OPCML: variants seen among roughly 807,000 people sequenced by gnomAD.
OPCML encodes the protein opioid binding protein/cell adhesion molecule like.
In OPCML, 13 loss-of-function variants were observed where a neutral mutation model predicts 37.8. That is an observed-to-expected ratio of 0.34 (90% CI 0.22 to 0.55). The LOEUF (loss-of-function observed/expected upper bound fraction) is 0.55, where lower values mean the gene tolerates loss of function less well. OPCML is among the 20% of genes least tolerant of loss of function. OPCML has a pLI of 0.91. For missense variants in OPCML, 341 were observed against 435.6 expected (o/e 0.78, Z 1.93); for synonymous variants, 176 against 168.8 (o/e 1.04, Z -0.33).
At chr11:132,597,537 A>C (rs953907798) in intron 3 of OPCML, among the ~76,000 whole-genome samples, 1 of 152,212 alleles carries the variant, frequency 6.6e-6, no homozygotes, top group Non-Finnish European at 1.5e-5. Flanking sequence ...ATCACATTTC[A>C]GTCAGGACTT....
chr11:133,349,562 T>C (rs1366908568), intron 1 of OPCML, among the ~76,000 whole-genome samples: 1 of 152,134 alleles, frequency 6.6e-6, no homozygotes, highest in Non-Finnish European at 1.5e-5. Context: ...CGAGAAACAA[T>C]AGGAATCCCT....
chr11:133,037,502 T>C (rs917261575), intron 1 of OPCML, among the ~76,000 whole-genome samples: 2 of 152,220 alleles, frequency 1.3e-5, no homozygotes, highest in Non-Finnish European at 2.9e-5. Flanking sequence ...GTAACCTAGC[T>C]GCAGTATATT....
At chr11:132,638,188 CAG>C (rs1156982602) in intron 3 of OPCML, among the ~76,000 whole-genome samples, 13 of 75,386 alleles carry the variant, frequency 1.7e-4, no homozygotes, top group South Asian at 1.4e-3. Context: ...TATATATATA[CAG>C]AGAGAGAGAG....
intron 1 of OPCML, among the ~76,000 whole-genome samples, chr11:133,256,396 T>C (rs1424238118): frequency 2.0e-5 from 3 of 152,242 alleles, no homozygotes; most frequent in Non-Finnish European, 4.4e-5. Context: ...CTAATGCACT[T>C]ATATTAATGT....
chr11:133,455,738 A>G (rs548235920), intron 1 of OPCML, among the ~76,000 whole-genome samples: 1 of 152,314 alleles, frequency 6.6e-6, no homozygotes, highest in South Asian at 2.1e-4. Flanking sequence ...CCACTGAAAC[A>G]TTAAATAAAA....
chr11:133,502,413 A>G (rs906642836), intron 1 of OPCML, among the ~76,000 whole-genome samples: 1 of 152,086 alleles, frequency 6.6e-6, no homozygotes, highest in South Asian at 2.1e-4. Context: ...CCTCGTCCAA[A>G]CCGGCTGACA....
chr11:133,009,344 C>T (rs1947172360), intron 1 of OPCML: 2 of 463,766 alleles, frequency 4.3e-6, no homozygotes, highest in Non-Finnish European at 5.7e-6. Flanking sequence ...AAGATGTTCA[C>T]AGTCTGTTCA....
At chr11:133,503,447 T>A (rs1247485177) in intron 1 of OPCML, among the ~76,000 whole-genome samples, 1 of 152,224 alleles carries the variant, frequency 6.6e-6, no homozygotes, top group African/African-American at 2.4e-5. Flanking sequence ...ATCCTGCTAG[T>A]CTGTAAACAG....
Position 133,115,521 on chromosome 11 carries a change from C to T in OPCML, c.62-172511G>A, listed in dbSNP as rs79087975. Reference sequence around the variant, plus strand: ...AAAACAAACAAAACAACAACAACAACAAAAACACAGGCAGAGCTATATAAC... The same window carrying T: ...AAAACAAACAAAACAACAACAACAATAAAAACACAGGCAGAGCTATATAAC... On this transcript the variant is annotated intron_variant, in intron 1 of 7. Transcript: ENST00000524381. Among the ~76,000 whole-genome samples the T allele has an allele frequency of 6.5e-3, 995 of 152,104 alleles. 25 individuals are homozygous for T. In the East Asian group the frequency reaches 0.084, roughly 13 times the overall value.
In OPCML at chr11:132,683,636, A is replaced by G. The variant is rs1394994775; in HGVS notation, c.147-26317T>C. On this transcript the variant is annotated intron_variant, in intron 2 of 7. Coordinates refer to ENST00000524381, the MANE Select transcript of OPCML (RefSeq NM_001012393.5). ...AGAAGTTTGTAAAAGACATTTGCAA[A>G]CCATAACTCATGCATTCAATTTGCT... Among the ~76,000 whole-genome samples, 3 of 152,172 alleles carry G rather than the reference A, an allele frequency of 2.0e-5. No homozygotes were observed. In the East Asian group the frequency reaches 5.8e-4, roughly 29 times the overall value.
chr11:132,954,579 T>C (rs4572146), intron 1 of OPCML, among the ~76,000 whole-genome samples: 77,375 of 151,906 alleles, frequency 0.51, 19,924 homozygotes, highest in East Asian at 0.72. Context: ...GGGCAGGGCG[T>C]TAAACATTGA....
At chr11:133,112,311 G>GAAAAAAAAAAAAAAAA (rs1491223305) in intron 1 of OPCML, among the ~76,000 whole-genome samples, 5 of 79,038 alleles carry the variant, frequency 6.3e-5, no homozygotes, top group South Asian at 4.7e-4. Context: ...AAAAAAAAAA[G>GAAAAAAAAAAAAAAAA]GGGAAAGAAA....
intron 1 of OPCML, among the ~76,000 whole-genome samples, chr11:133,355,459 C>T (rs768314960): frequency 3.9e-5 from 6 of 152,100 alleles, no homozygotes. Context: ...AATCTGTGAC[C>T]ACAAATGAGA....
chr11:132,542,113 A>C (rs942990118), intron 3 of OPCML, among the ~76,000 whole-genome samples: 1 of 152,164 alleles, frequency 6.6e-6, no homozygotes, highest in Non-Finnish European at 1.5e-5. Flanking sequence ...TTCCTGGCCC[A>C]GATCAACCAG....
chr11:133,420,198 T>C, intron 1 of OPCML: 5 of 953,082 alleles, frequency 5.2e-6, no homozygotes, highest in Non-Finnish European at 5.0e-6. Flanking sequence ...CAAGTACTTT[T>C]TTTTTTTCCT....
intron 1 of OPCML, among the ~76,000 whole-genome samples, chr11:133,062,569 G>A (rs7935870): frequency 3.0e-4 from 46 of 152,052 alleles, no homozygotes; most frequent in Non-Finnish European, 5.1e-4. Flanking sequence ...GGTTCAGAAC[G>A]TTGCACCCTG....
At chr11:132,907,894 C>T (rs1301376582) in intron 2 of OPCML, among the ~76,000 whole-genome samples, 1 of 152,076 alleles carries the variant, frequency 6.6e-6, no homozygotes, top group Admixed American at 6.5e-5. Context: ...GTTTAATGTG[C>T]CTTAGTTATC....
rs552310453 is a variant in OPCML, at chr11:132,649,397, G to A, written c.379+7690C>T. Among the ~76,000 whole-genome samples, 75 of 152,280 alleles carry A rather than the reference G, an allele frequency of 4.9e-4. No individual in the cohort carries two copies. In the South Asian group the frequency reaches 0.016, roughly 32 times the overall value. On this transcript the variant is annotated intron_variant, in intron 3 of 7. Transcript: ENST00000524381. The stretch of plus-strand genomic sequence containing the variant: ...CAATTATACTCTGGCTACGCAAGGT[G>A]TCATATTCGTTAATATCTGAGAAAC...
intron 1 of OPCML, among the ~76,000 whole-genome samples, chr11:133,284,546 A>G (rs1941220): frequency 0.58 from 88,449 of 152,082 alleles, 26,356 homozygotes; most frequent in East Asian, 0.91. Context: ...GCGGCAACAA[A>G]TGGGAAGGGA....
Sources: gnomAD v4.1 joint callset for allele counts (sites outside exome capture counted in the v4.1 genomes callset) on GRCh38, gnomAD v4.1.1 for gene constraint, MANE v1.5 for transcripts, NCBI Gene and HGNC (gene_info 2026-07-23, HGNC 2026-07-21) for gene names.